SGCD: variants seen among roughly 807,000 people sequenced by gnomAD.
SGCD encodes sarcoglycan delta.
In SGCD, 18 loss-of-function variants were observed where a neutral mutation model predicts 36.6. The ratio of observed to expected loss-of-function variants is 0.49; its 90% CI spans 0.34 to 0.73. SGCD has a LOEUF of 0.73. Ranked by LOEUF, SGCD falls within the 30% of genes least tolerant of loss-of-function variation. The probability of loss-of-function intolerance (pLI) is 0.01; values close to 1 mark genes in which losing one functional copy is unlikely to be tolerated. For synonymous variants in SGCD, 133 were observed against 130.6 expected, an observed-to-expected ratio of 1.02 and a Z score of -0.12; for missense variants, 387 against 346.7, an observed-to-expected ratio of 1.12 and a Z score of -0.92.
intron 1 of SGCD, among the ~76,000 whole-genome samples, chr5:156,088,275 A>G (rs1476799514): frequency 6.6e-6 from 1 of 152,060 alleles, no homozygotes; most frequent in Non-Finnish European, 1.5e-5. Context: ...AGGAGGGGCC[A>G]GTGTGGTTAC....
At chr5:155,796,320 C>T in the SGCD span, among the ~76,000 whole-genome samples, 1 of 151,960 alleles carries the variant, frequency 6.6e-6, no homozygotes, top group Non-Finnish European at 1.5e-5. Context: ...CCACAAATTG[C>T]TTGGAAATTA....
At chr5:155,972,184 A>C (rs1205642872) in intron 1 of SGCD, among the ~76,000 whole-genome samples, 1 of 152,206 alleles carries the variant, frequency 6.6e-6, no homozygotes, top group Non-Finnish European at 1.5e-5. Context: ...GAAAAGAATA[A>C]TACATGCTAA....
At chr5:155,991,655 G>A (rs1246078586) in intron 1 of SGCD, among the ~76,000 whole-genome samples, 1 of 152,172 alleles carries the variant, frequency 6.6e-6, no homozygotes, top group East Asian at 1.9e-4. Flanking sequence ...TGCTCGATGT[G>A]TGTTGATAGC....
chr5:156,719,064 C>A (rs151296319), intron 7 of SGCD, among the ~76,000 whole-genome samples: 1 of 152,032 alleles, frequency 6.6e-6, no homozygotes, highest in African/African-American at 2.4e-5. Flanking sequence ...TACAAATATG[C>A]ACACACACAT....
At chr5:156,289,700 TA>T (rs1766707515) in intron 3 of SGCD, among the ~76,000 whole-genome samples, 1 of 152,142 alleles carries the variant, frequency 6.6e-6, no homozygotes, top group Non-Finnish European at 1.5e-5. Flanking sequence ...TTAATTTTTA[TA>T]AAGACAAGGT....
intron 4 of SGCD, among the ~76,000 whole-genome samples, chr5:156,516,234 A>C (rs576117849): frequency 1.1e-4 from 16 of 152,242 alleles, no homozygotes; most frequent in Admixed American, 3.9e-4. Context: ...CCCCACACAC[A>C]CACCCCCAAT....
chr5:156,401,631 C>T (rs1181284026), intron 3 of SGCD, among the ~76,000 whole-genome samples: 1 of 152,166 alleles, frequency 6.6e-6, no homozygotes, highest in Non-Finnish European at 1.5e-5. Flanking sequence ...TGAGAACTCA[C>T]TATGTGCCAG....
intron 1 of SGCD, among the ~76,000 whole-genome samples, chr5:156,103,211 A>G (rs1197671745): frequency 1.3e-5 from 2 of 152,154 alleles, no homozygotes; most frequent in Non-Finnish European, 2.9e-5. Context: ...GAAGAGTTGG[A>G]TGAAGAGTAA....
intron 3 of SGCD, among the ~76,000 whole-genome samples, chr5:156,269,672 T>C (rs188197121): frequency 2.6e-5 from 4 of 152,126 alleles, no homozygotes; most frequent in Admixed American, 6.5e-5. Flanking sequence ...CCAAACCTTA[T>C]CAGTTCCTTT....
the SGCD span, among the ~76,000 whole-genome samples, chr5:155,844,212 C>T: frequency 1.3e-5 from 2 of 152,120 alleles, no homozygotes; most frequent in African/African-American, 4.8e-5. Flanking sequence ...AGACACACCT[C>T]TTCGATTGGC....
At chr5:156,423,238 T>TATAATATAATATA (rs1561685409) in intron 3 of SGCD, among the ~76,000 whole-genome samples, 3 of 2,686 alleles carry the variant, frequency 1.1e-3, no homozygotes, top group South Asian at 0.03. Flanking sequence ...TGTATTATAT[T>TATAATATAATATA]ATATTTTATA....
chr5:155,886,330 C>T (rs1260084273), intron 1 of SGCD, among the ~76,000 whole-genome samples: 3 of 152,162 alleles, frequency 2.0e-5, no homozygotes, highest in African/African-American at 4.8e-5. Context: ...CCAAAAGGAA[C>T]TCCTCAAAAT....
intron 1 of SGCD, among the ~76,000 whole-genome samples, chr5:155,889,304 A>G (rs1222511023): frequency 1.3e-5 from 2 of 152,302 alleles, no homozygotes; most frequent in South Asian, 2.1e-4. Flanking sequence ...TTTCTCATTT[A>G]TAATCTTTGT....
At position 156,160,713 on chromosome 5, in the gene SGCD, A is replaced by ATT. The variant is rs141698850; in HGVS notation, c.-44+36702_-44+36703dup. On this transcript the variant is annotated intron_variant, in intron 3 of 9. Coordinates refer to the SGCD transcript ENST00000517913. ...ACATTGTGCTTGATTTAAGTTTCTG[A>ATT]TTTTTTTTTGCCTCTTCTTCATGTG... 3.2e-4 allele frequency among the ~76,000 whole-genome samples: 48 copies of ATT among 150,688 alleles called. 1 individual carries two copies. The Middle Eastern group carries it at 0.01, about 32-fold the overall frequency.
intron 3 of SGCD, among the ~76,000 whole-genome samples, chr5:156,494,694 G>GAA (rs1756102194): frequency 6.6e-6 from 1 of 152,046 alleles, no homozygotes; most frequent in Non-Finnish European, 1.5e-5. Context: ...ATTCCTCGTG[G>GAA]TATCTTCTTC....
At chr5:155,750,863 A>C in the SGCD span, among the ~76,000 whole-genome samples, 1 of 152,080 alleles carries the variant, frequency 6.6e-6, no homozygotes, top group African/African-American at 2.4e-5. Flanking sequence ...CCTTACCCCC[A>C]CAGCCTGTTG....
intron 1 of SGCD, among the ~76,000 whole-genome samples, chr5:156,096,170 G>T (rs976041741): frequency 6.6e-6 from 1 of 152,178 alleles, no homozygotes; most frequent in Non-Finnish European, 1.5e-5. Context: ...GAGACCCTTT[G>T]CCCTGTCCAG....
intron 3 of SGCD, among the ~76,000 whole-genome samples, chr5:156,274,179 T>A (rs922110353): frequency 3.3e-5 from 5 of 152,148 alleles, no homozygotes; most frequent in African/African-American, 1.2e-4. Flanking sequence ...ATAAGGTACT[T>A]GCTTCAAAAA....
At chr5:156,305,391 G>C (rs547937126) in intron 3 of SGCD, among the ~76,000 whole-genome samples, 3 of 152,332 alleles carry the variant, frequency 2.0e-5, no homozygotes, top group East Asian at 3.9e-4. Context: ...CAAGTCTCAA[G>C]CCTTGGCAGC....
Sources: gnomAD v4.1 joint callset for allele counts (sites outside exome capture counted in the v4.1 genomes callset) on GRCh38, gnomAD v4.1.1 for gene constraint, MANE v1.5 for transcripts, NCBI Gene and HGNC (gene_info 2026-07-23, HGNC 2026-07-21) for gene names.